IQGAP2: variants seen among roughly 807,000 people sequenced by gnomAD.
IQGAP2 encodes the protein ras GTPase-activating-like protein IQGAP2.
In IQGAP2, 173 loss-of-function variants were observed where a neutral mutation model predicts 201.3. The ratio of observed to expected loss-of-function variants is 0.86; its 90% CI spans 0.76 to 0.98. The LOEUF (loss-of-function observed/expected upper bound fraction) is 0.98. Among genes scored for constraint, IQGAP2 ranks in the 50% least tolerant of loss-of-function variants. The pLI, the probability that IQGAP2 is intolerant of heterozygous loss-of-function variation, is 0.00. For missense variants in IQGAP2, 1,687 were observed against 1,864.8 expected, an observed-to-expected ratio of 0.90 and a Z score of 1.76; for synonymous variants, 675 against 673.9, an observed-to-expected ratio of 1.00 and a Z score of -0.03.
intron 2 of IQGAP2, among the ~76,000 whole-genome samples, chr5:76,551,486 T>G (rs917763882): frequency 6.6e-5 from 10 of 151,740 alleles, no homozygotes; most frequent in Non-Finnish European, 1.3e-4. Flanking sequence ...CTCGGCACTT[T>G]GGGAGGCCAA....
intron 2 of IQGAP2, chr5:76,547,463 A>G (rs1417107751): frequency 7.2e-6 from 7 of 969,094 alleles, no homozygotes; most frequent in Non-Finnish European, 8.6e-6. Flanking sequence ...TAAGTTTACA[A>G]TGATCTTATT....
intron 2 of IQGAP2, among the ~76,000 whole-genome samples, chr5:76,524,583 A>G (rs1359765027): frequency 6.6e-6 from 1 of 152,236 alleles, no homozygotes; most frequent in African/African-American, 2.4e-5. Flanking sequence ...TGCTTTTGAC[A>G]TGAAACCACA....
chr5:76,593,979 C>T (rs1746840381), intron 9 of IQGAP2, among the ~76,000 whole-genome samples: 1 of 152,152 alleles, frequency 6.6e-6, no homozygotes, highest in South Asian at 2.1e-4. Context: ...ATGTAAATGT[C>T]TAGGAGTTAA....
At chr5:76,666,951 G>T (rs377728330) in intron 22 of IQGAP2, among the ~76,000 whole-genome samples, 1 of 151,978 alleles carries the variant, frequency 6.6e-6, no homozygotes, top group Non-Finnish European at 1.5e-5. Flanking sequence ...TTTCCATGTT[G>T]CCCAGGCTGA....
At chr5:76,602,574 A>G (rs886304456) in intron 11 of IQGAP2, among the ~76,000 whole-genome samples, 4 of 148,188 alleles carry the variant, frequency 2.7e-5, no homozygotes, top group Admixed American at 2.1e-4. Context: ...AACTTTTAAA[A>G]TGTTTTGATT....
intron 1 of IQGAP2, among the ~76,000 whole-genome samples, chr5:76,436,971 G>A (rs78523652): frequency 1.5e-3 from 235 of 151,900 alleles, no homozygotes; most frequent in African/African-American, 5.3e-3. Flanking sequence ...TACATTATAT[G>A]TTATGCATAC....
At chr5:76,705,655 A>T (rs938718570) in intron 35 of IQGAP2, among the ~76,000 whole-genome samples, 3 of 152,222 alleles carry the variant, frequency 2.0e-5, no homozygotes, top group Non-Finnish European at 4.4e-5. Context: ...TCAATTCCCT[A>T]TAGAATTTTA....
chr5:76,672,635 C>A (rs1193657588), intron 24 of IQGAP2, among the ~76,000 whole-genome samples: 2 of 152,048 alleles, frequency 1.3e-5, no homozygotes, highest in African/African-American at 4.8e-5. Context: ...GGTATATATT[C>A]CAGTTGGAGT....
At chr5:76,439,624 T>C (rs1752917928) in intron 1 of IQGAP2, among the ~76,000 whole-genome samples, 1 of 152,132 alleles carries the variant, frequency 6.6e-6, no homozygotes, top group South Asian at 2.1e-4. Flanking sequence ...TCTTTTTTAC[T>C]GTTGTTGTTT....
chr5:76,459,370 G>A (rs1754296415), intron 1 of IQGAP2, among the ~76,000 whole-genome samples: 1 of 152,112 alleles, frequency 6.6e-6, no homozygotes, highest in Admixed American at 6.6e-5. Flanking sequence ...TGACTCCAGT[G>A]CCCACTCTTC....
chr5:76,480,081 G>A (rs141072693), intron 2 of IQGAP2, among the ~76,000 whole-genome samples: 13 of 152,150 alleles, frequency 8.5e-5, no homozygotes, highest in African/African-American at 2.9e-4. Context: ...GCCACTTTAC[G>A]CACCCACAGA....
chr5:76,493,861 G>A (rs1240525988), intron 2 of IQGAP2, among the ~76,000 whole-genome samples: 2 of 152,170 alleles, frequency 1.3e-5, no homozygotes, highest in Non-Finnish European at 2.9e-5. Context: ...AAGAAAGGTT[G>A]ATCCTGTCAC....
chr5:76,457,051 G>A (rs181071971), intron 1 of IQGAP2, among the ~76,000 whole-genome samples: 22 of 152,084 alleles, frequency 1.4e-4, no homozygotes, highest in South Asian at 4.2e-4. Flanking sequence ...ATACAGTGGC[G>A]CGATCATAGT....
At chr5:76,432,703 T>C (rs2150093351) in intron 1 of IQGAP2, among the ~76,000 whole-genome samples, 1 of 152,364 alleles carries the variant, frequency 6.6e-6, no homozygotes, top group African/African-American at 2.4e-5. Context: ...ATGAGTTAGC[T>C]GATACTTCCT....
intron 2 of IQGAP2, among the ~76,000 whole-genome samples, chr5:76,542,008 G>C (rs1742810013): frequency 6.6e-6 from 1 of 152,198 alleles, no homozygotes; most frequent in Non-Finnish European, 1.5e-5. Flanking sequence ...GTTTGAGACA[G>C]CGACTTGTTC....
intron 1 of IQGAP2, among the ~76,000 whole-genome samples, chr5:76,448,449 C>A (rs1411817850): frequency 6.6e-6 from 1 of 152,176 alleles, no homozygotes; most frequent in Non-Finnish European, 1.5e-5. Flanking sequence ...CCTTAGATAA[C>A]TCTAACTCCT....
chr5:76,686,225 A>G (rs1321210451), intron 30 of IQGAP2, among the ~76,000 whole-genome samples: 1 of 150,438 alleles, frequency 6.6e-6, no homozygotes, highest in Non-Finnish European at 1.5e-5. Context: ...TATCAGATAT[A>G]TGATTTGCAA....
chr5:76,509,236 A>G (rs1457364967), intron 2 of IQGAP2, among the ~76,000 whole-genome samples: 1 of 152,156 alleles, frequency 6.6e-6, no homozygotes, highest in African/African-American at 2.4e-5. Flanking sequence ...AGCCAATGGG[A>G]GTGTTAGGCA....
intron 2 of IQGAP2, among the ~76,000 whole-genome samples, chr5:76,539,395 G>A (rs1742605216): frequency 6.6e-6 from 1 of 152,156 alleles, no homozygotes; most frequent in South Asian, 2.1e-4. Context: ...CCCACTCCAG[G>A]GACTGGATGC....
Sources: allele counts gnomAD v4.1 joint callset (sites outside exome capture counted in the v4.1 genomes callset), GRCh38; gene constraint gnomAD v4.1.1; transcripts MANE v1.5; gene names NCBI Gene and HGNC (gene_info 2026-07-23, HGNC 2026-07-21).